Variants in MSI2 observed in about 807,000 individuals in gnomAD.
The protein encoded by MSI2 is RNA-binding protein Musashi homolog 2.
MSI2 carries 17 observed loss-of-function variants against 45.6 expected under a neutral mutation model. The observed-to-expected ratio is 0.37, with a 90% confidence interval of 0.26 to 0.56. The LOEUF (loss-of-function observed/expected upper bound fraction) is 0.56, where lower values mean the gene tolerates loss of function less well. MSI2 is among the 20% of genes least tolerant of loss of function. The pLI is 0.77. For missense variants in MSI2, 293 were observed against 444.2 expected (o/e 0.66, Z 3.06); for synonymous variants, 156 against 158.2 (o/e 0.99, Z 0.11).
Position 57,673,649 on chromosome 17 carries a change from A to C in MSI2, c.791-1323A>C, listed in dbSNP as rs1912989709. ...ACTACTAAGGAGAAATAAAGGTGAGACAAAATTAACCTGGTTAACTGGTTG... is the reference window on the plus strand; with the variant it reads ...ACTACTAAGGAGAAATAAAGGTGAGCCAAAATTAACCTGGTTAACTGGTTG... On this transcript the variant is annotated intron_variant, in intron 11 of 13. Transcript: ENST00000284073. 3.3e-5 allele frequency among the ~76,000 whole-genome samples: 5 copies of C among 152,330 alleles called. No individual in the cohort carries two copies. In the East Asian group the frequency reaches 9.6e-4, roughly 29 times the overall value.
intron 7 of MSI2, among the ~76,000 whole-genome samples, chr17:57,550,896 T>G (rs1286002650): frequency 6.6e-6 from 1 of 152,154 alleles, no homozygotes; most frequent in Admixed American, 6.5e-5. Flanking sequence ...GTTGGCGTCT[T>G]CCACACCAGC....
chr17:57,551,159 A>G (rs2087294512), intron 7 of MSI2, among the ~76,000 whole-genome samples: 1 of 152,202 alleles, frequency 6.6e-6, no homozygotes. Flanking sequence ...GAATGAAGCC[A>G]TGAACTGGGA....
Position 57,632,018 on chromosome 17 carries a change from TA to T in MSI2, c.727+4724del, listed in dbSNP as rs60931600. 2.4e-4 allele frequency: 318 copies of T among 1,352,184 alleles called. 1 individual carries two copies. The highest frequency in any genetic ancestry group is 9.0e-4 in the South Asian group (44 of 48,960). The allele number at this position is 1,352,184 out of a possible 1,614,324, so 83.8% of individuals were successfully genotyped here. On this transcript the variant is annotated intron_variant, in intron 10 of 13. Coordinates refer to ENST00000284073, the MANE Select transcript of MSI2 (RefSeq NM_138962.4). ...TCATGTCCTCATTGCTTCACTCAAT[TA>T]AAAAAAAATTATTCTCCAGTCCCCT...
chr17:57,284,591 A>G (rs1183741519), intron 5 of MSI2, among the ~76,000 whole-genome samples: 2 of 152,236 alleles, frequency 1.3e-5, no homozygotes, highest in African/African-American at 4.8e-5. Context: ...AATCCCACGT[A>G]AAACACTCTG....
At chr17:57,328,731 GTC>G (rs1914025972) in intron 5 of MSI2, among the ~76,000 whole-genome samples, 1 of 151,014 alleles carries the variant, frequency 6.6e-6, no homozygotes, top group Non-Finnish European at 1.5e-5. Flanking sequence ...TCTTTGAAGA[GTC>G]TTTTTTTTTT....
chr17:57,586,159 A>G (rs1008766490), intron 7 of MSI2, among the ~76,000 whole-genome samples: 1 of 152,226 alleles, frequency 6.6e-6, no homozygotes, highest in Non-Finnish European at 1.5e-5. Context: ...AATCACTGCT[A>G]TAGAGCGCAC....
chr17:57,550,233 G>T (rs1285601746), intron 7 of MSI2, among the ~76,000 whole-genome samples: 1 of 152,222 alleles, frequency 6.6e-6, no homozygotes, highest in Non-Finnish European at 1.5e-5. Context: ...GGTGGCTCCG[G>T]CTGGCAGCAG....
At chr17:57,302,885 G>T (rs557686959) in intron 5 of MSI2, among the ~76,000 whole-genome samples, 14 of 152,238 alleles carry the variant, frequency 9.2e-5, no homozygotes, top group Non-Finnish European at 2.1e-4. Flanking sequence ...TGGCTTTGGG[G>T]AGGAGTTGGG....
Position 57,682,326 on chromosome 17 carries a change from C to T in MSI2, c.*2809C>T, listed in dbSNP as rs534368021. ...TACGGCGTTTTGTAGATCCCCCCCC[C>T]CCCACCCACTGTGAAGGGGTGCCAT... On this transcript the variant is annotated 3_prime_UTR_variant, in exon 14 of 14. Coordinates refer to ENST00000284073, the MANE Select transcript of MSI2 (RefSeq NM_138962.4). 8.6e-5 allele frequency: 15 copies of T among 173,690 alleles called. No homozygotes were observed. Among genetic ancestry groups the T allele is most frequent in the East Asian group, 2.9e-4 (3 of 10,336 alleles). 10.8% of individuals were successfully genotyped at this position (173,690 alleles called of 1,614,324 possible). A position where few individuals can be genotyped will look rare whatever the true frequency, so the allele number is the denominator to read the frequency against.
intron 8 of MSI2, among the ~76,000 whole-genome samples, chr17:57,615,125 T>A (rs1398286754): frequency 8.0e-5 from 2 of 24,846 alleles, no homozygotes; most frequent in Non-Finnish European, 1.4e-4. Flanking sequence ...TGCACAAGAA[T>A]TTTTTTTTTT....
chr17:57,561,404 G>T (rs183210376), intron 7 of MSI2, among the ~76,000 whole-genome samples: 1 of 152,124 alleles, frequency 6.6e-6, no homozygotes, highest in Non-Finnish European at 1.5e-5. Flanking sequence ...TTGCTCTCCC[G>T]TCTTGCTGTT....
At chr17:57,502,759 C>T (rs981482917) in intron 6 of MSI2, among the ~76,000 whole-genome samples, 3 of 151,098 alleles carry the variant, frequency 2.0e-5, no homozygotes, top group African/African-American at 4.9e-5. Flanking sequence ...TGCACAGAGG[C>T]GCATGTGTTG....
chr17:57,292,829 G>A (rs1910537039), intron 5 of MSI2, among the ~76,000 whole-genome samples: 1 of 152,154 alleles, frequency 6.6e-6, no homozygotes, highest in African/African-American at 2.4e-5. Context: ...GACTTTGGTT[G>A]CTGAAGGAAG....
intron 10 of MSI2, among the ~76,000 whole-genome samples, chr17:57,647,136 TAAG>T (rs764113623): frequency 5.3e-5 from 8 of 151,842 alleles, no homozygotes; most frequent in Non-Finnish European, 1.2e-4. Flanking sequence ...CTGTAATCAA[TAAG>T]AAATTCAGGC....
intron 6 of MSI2, among the ~76,000 whole-genome samples, chr17:57,445,176 C>T (rs559400541): frequency 2.0e-5 from 3 of 152,228 alleles, no homozygotes; most frequent in African/African-American, 7.2e-5. Flanking sequence ...TAAATACCCC[C>T]GAGCCAGGAA....
chr17:57,615,388 C>A (rs1247462514), intron 8 of MSI2, among the ~76,000 whole-genome samples: 1 of 152,146 alleles, frequency 6.6e-6, no homozygotes, highest in Admixed American at 6.5e-5. Context: ...GCCTCCACCT[C>A]CCACAGTGCT....
intron 5 of MSI2, among the ~76,000 whole-genome samples, chr17:57,292,990 G>C (rs749745976): frequency 6.6e-6 from 1 of 152,074 alleles, no homozygotes; most frequent in African/African-American, 2.4e-5. Flanking sequence ...AAAAAGACCC[G>C]TTTAAGTAGT....
the MSI2 span, among the ~76,000 whole-genome samples, chr17:57,698,204 C>G: frequency 2.0e-5 from 3 of 152,342 alleles, no homozygotes; most frequent in East Asian, 3.9e-4. Context: ...ATCTTCCTGT[C>G]TCCACCCTCT....
rs951651992 is a variant in MSI2, at chr17:57,367,445, T to C, written c.313-33934T>C. ...TATGTTGTGAGCAGTTAATATACGGTTGGTCCTTGTGATGTTGTTGTCTTG... is the reference window on the plus strand; with the variant it reads ...TATGTTGTGAGCAGTTAATATACGGCTGGTCCTTGTGATGTTGTTGTCTTG... On this transcript the variant is annotated intron_variant, in intron 5 of 13. Transcript: ENST00000284073. 2.0e-5 allele frequency among the ~76,000 whole-genome samples: 3 copies of C among 152,234 alleles called. No homozygotes were observed. The East Asian group carries it at 5.8e-4, about 29-fold the overall frequency.
Sources: gnomAD v4.1 joint callset for allele counts (sites outside exome capture counted in the v4.1 genomes callset) on GRCh38, gnomAD v4.1.1 for gene constraint, MANE v1.5 for transcripts, NCBI Gene and HGNC (gene_info 2026-07-23, HGNC 2026-07-21) for gene names.